Variants in L3MBTL4 observed in about 807,000 individuals in gnomAD.
L3MBTL4 encodes lethal(3)malignant brain tumor-like protein 4.
In L3MBTL4, 70 loss-of-function variants were observed where a neutral mutation model predicts 84.5. The observed-to-expected ratio is 0.83, with a 90% CI of 0.68 to 1.01. The LOEUF is 1.01. Ranked by LOEUF, L3MBTL4 falls within the 50% of genes least tolerant of loss-of-function variation. The pLI is 0.00. For missense variants in L3MBTL4, 715 were observed against 754.8 expected (o/e 0.95, Z 0.62); for synonymous variants, 274 against 259.8 (o/e 1.05, Z -0.52).
rs574328368 is a variant in L3MBTL4 at position 5,998,452 on chromosome 18, T to C, written c.1445-28890A>G. Reference sequence around the variant, plus strand: ...TTCGCCTGAGGACAACCTATTTTCCTGGAGGGGCCCTTCAGGAAGGCTGTC... The same window carrying C: ...TTCGCCTGAGGACAACCTATTTTCCCGGAGGGGCCCTTCAGGAAGGCTGTC... On this transcript the variant is annotated intron_variant, in intron 16 of 18. Transcript: ENST00000317931. Among the ~76,000 whole-genome samples, 5 of 152,242 alleles carry C rather than the reference T, an allele frequency of 3.3e-5. No homozygotes were observed. The East Asian group carries it at 9.7e-4, about 29-fold the overall frequency.
intron 1 of L3MBTL4, among the ~76,000 whole-genome samples, chr18:6,410,362 A>G (rs2055915301): frequency 6.6e-6 from 1 of 152,198 alleles, no homozygotes. Flanking sequence ...CTGTACTTAC[A>G]TATGTTTGGC....
chr18:6,278,748 A>G (rs1295521381), intron 4 of L3MBTL4, among the ~76,000 whole-genome samples: 2 of 151,982 alleles, frequency 1.3e-5, no homozygotes, highest in African/African-American at 4.8e-5. Flanking sequence ...CAAATGTTCA[A>G]CCTTTTCCTG....
In L3MBTL4 at chr18:5,970,476, T is replaced by G. The variant is rs374775342; in HGVS notation, c.1445-914A>C. 3.3e-5 allele frequency among the ~76,000 whole-genome samples: 5 copies of G among 152,366 alleles called. No homozygotes were observed. The South Asian group carries it at 6.2e-4, about 19-fold the overall frequency. ...ATTTAAGGAAAAGGTCTCAATTCCCTAATTATTTAGTTTAAATCTACAAAT... is the reference window on the plus strand; with the variant it reads ...ATTTAAGGAAAAGGTCTCAATTCCCGAATTATTTAGTTTAAATCTACAAAT... On this transcript the variant is annotated intron_variant, in intron 16 of 18. Coordinates refer to ENST00000317931, the MANE Select transcript of L3MBTL4 (RefSeq NM_001330559.2).
chr18:6,401,910 G>T (rs368948875), intron 1 of L3MBTL4, among the ~76,000 whole-genome samples: 1 of 152,228 alleles, frequency 6.6e-6, no homozygotes, highest in Non-Finnish European at 1.5e-5. Context: ...TCAAGGGGCC[G>T]CTGTGACCTC....
At chr18:6,407,064 C>T (rs1568617587) in intron 1 of L3MBTL4, among the ~76,000 whole-genome samples, 1 of 152,208 alleles carries the variant, frequency 6.6e-6, no homozygotes, top group Admixed American at 6.5e-5. Context: ...CCCTTTACTC[C>T]ACAGTGATGG....
At chr18:6,155,768 G>A (rs1228993795) in intron 13 of L3MBTL4, among the ~76,000 whole-genome samples, 1 of 152,132 alleles carries the variant, frequency 6.6e-6, no homozygotes, top group Non-Finnish European at 1.5e-5. Context: ...TTAGGTTTGT[G>A]TATATTTGCA....
chr18:6,319,566 C>G (rs2051297869), intron 1 of L3MBTL4, among the ~76,000 whole-genome samples: 1 of 151,988 alleles, frequency 6.6e-6, no homozygotes, highest in South Asian at 2.1e-4. Flanking sequence ...ATACACCCCT[C>G]CTAGATTAAA....
In L3MBTL4 at chr18:5,994,980, T is replaced by C. The variant is rs548703176; in HGVS notation, c.1445-25418A>G. Among the ~76,000 whole-genome samples, 10 of 152,392 alleles carry C rather than the reference T, an allele frequency of 6.6e-5. No homozygotes were observed. In the South Asian group the frequency reaches 1.9e-3, roughly 28 times the overall value. ...AGATAAGCCTCCCTTTTGTTCATCATTCTGATTTAGTGAGACTTTATAATT... is the reference window on the plus strand; with the variant it reads ...AGATAAGCCTCCCTTTTGTTCATCACTCTGATTTAGTGAGACTTTATAATT... On this transcript the variant is annotated intron_variant, in intron 16 of 18. Transcript: ENST00000317931.
At chr18:6,073,194 A>G (rs1308031092) in intron 16 of L3MBTL4, among the ~76,000 whole-genome samples, 2 of 151,260 alleles carry the variant, frequency 1.3e-5, no homozygotes, top group African/African-American at 4.9e-5. Context: ...ACAGAGGGGG[A>G]GAGAAAACGC....
chr18:6,266,648 G>A (rs979001752), intron 4 of L3MBTL4, among the ~76,000 whole-genome samples: 9 of 152,338 alleles, frequency 5.9e-5, no homozygotes, highest in Non-Finnish European at 1.3e-4. Flanking sequence ...TTTCTGGCCA[G>A]GTGCAGTGGC....
At chr18:6,118,973 G>A (rs570079953) in intron 14 of L3MBTL4, among the ~76,000 whole-genome samples, 17 of 147,278 alleles carry the variant, frequency 1.2e-4, no homozygotes, top group Admixed American at 2.0e-4. Flanking sequence ...TAATAGATTT[G>A]GCACAGTTTT....
At chr18:6,190,029 C>T (rs1222226256) in intron 12 of L3MBTL4, among the ~76,000 whole-genome samples, 4 of 151,946 alleles carry the variant, frequency 2.6e-5, no homozygotes, top group African/African-American at 4.8e-5. Flanking sequence ...GTTCAAGAAA[C>T]GTAGTCAATC....
At chr18:6,048,038 G>A (rs748623052) in intron 16 of L3MBTL4, among the ~76,000 whole-genome samples, 2 of 152,090 alleles carry the variant, frequency 1.3e-5, no homozygotes, top group African/African-American at 2.4e-5. Flanking sequence ...CCTAGAACAG[G>A]TAAACAACTT....
At chr18:6,372,948 A>G (rs557191754) in intron 1 of L3MBTL4, among the ~76,000 whole-genome samples, 10 of 152,376 alleles carry the variant, frequency 6.6e-5, no homozygotes, top group African/African-American at 2.4e-4. Context: ...ATGACAATCA[A>G]TGGTTGTTAA....
intron 1 of L3MBTL4, among the ~76,000 whole-genome samples, chr18:6,329,151 CTTTTTT>C (rs992694853): frequency 1.2e-4 from 15 of 126,546 alleles, no homozygotes; most frequent in African/African-American, 2.7e-4. Flanking sequence ...TTTTTCTTTT[CTTTTTT>C]TTTTTTTTTT....
At chr18:5,977,932 A>T (rs1320032392) in intron 16 of L3MBTL4, among the ~76,000 whole-genome samples, 2 of 152,184 alleles carry the variant, frequency 1.3e-5, no homozygotes, top group African/African-American at 4.8e-5. Flanking sequence ...GAAATTGTCC[A>T]TTTATTTTTT....
intron 10 of L3MBTL4, among the ~76,000 whole-genome samples, chr18:6,223,341 T>C (rs757678842): frequency 6.6e-6 from 1 of 152,210 alleles, no homozygotes; most frequent in Non-Finnish European, 1.5e-5. Context: ...AATGAATGTT[T>C]AACACAAAAA....
intron 13 of L3MBTL4, among the ~76,000 whole-genome samples, chr18:6,169,674 T>A: frequency 1.1e-5 from 1 of 92,412 alleles, no homozygotes; most frequent in Admixed American, 1.5e-4. Context: ...CACTGGGGAC[T>A]GTTGTGGGGT....
chr18:6,014,566 G>A (rs2145423500), intron 16 of L3MBTL4, among the ~76,000 whole-genome samples: 1 of 152,286 alleles, frequency 6.6e-6, no homozygotes. Context: ...GGATGGCAAA[G>A]TGAGGGGCGT....
Sources: allele counts gnomAD v4.1 joint callset (sites outside exome capture counted in the v4.1 genomes callset), GRCh38; gene constraint gnomAD v4.1.1; transcripts MANE v1.5; gene names NCBI Gene and HGNC (gene_info 2026-07-23, HGNC 2026-07-21).